The following NXPH1 variants were observed in gnomAD, a reference collection of about 807,000 sequenced individuals.
NXPH1 encodes the protein neurexophilin 1, also known as neurexophilin-1.
In NXPH1, 5 loss-of-function variants were observed where a neutral mutation model predicts 23.7. That is an observed-to-expected ratio of 0.21 (90% confidence interval 0.11 to 0.44). The LOEUF is 0.44. Among genes scored for constraint, NXPH1 ranks in the 20% least tolerant of loss-of-function variants. The pLI, the probability that NXPH1 is intolerant of heterozygous loss-of-function variation, is 0.99. For missense variants in NXPH1, 324 were observed against 321.6 expected (o/e 1.01, Z -0.06); for synonymous variants, 144 against 122.2 (o/e 1.18, Z -1.18).
intron 2 of NXPH1, among the ~76,000 whole-genome samples, chr7:8,647,001 G>T (rs1485974372): frequency 6.6e-6 from 1 of 152,000 alleles, no homozygotes; most frequent in East Asian, 1.9e-4. Flanking sequence ...AGAAGGTGGA[G>T]GAGTATCAGA....
At chr7:8,487,801 G>A (rs537626163) in intron 2 of NXPH1, among the ~76,000 whole-genome samples, 14 of 152,106 alleles carry the variant, frequency 9.2e-5, no homozygotes, top group African/African-American at 2.2e-4. Flanking sequence ...AGACAGCTTC[G>A]GACTGTGGGA....
At chr7:8,447,496 G>T (rs1816426160) in intron 2 of NXPH1, among the ~76,000 whole-genome samples, 1 of 152,204 alleles carries the variant, frequency 6.6e-6, no homozygotes, top group Admixed American at 6.5e-5. Context: ...ATGAGTGCCT[G>T]GTGTTAGCTT....
intron 2 of NXPH1, among the ~76,000 whole-genome samples, chr7:8,718,737 G>C (rs1330062862): frequency 1.3e-5 from 2 of 152,150 alleles, no homozygotes; most frequent in African/African-American, 4.8e-5. Context: ...AGGAAGTAGG[G>C]GGAAAAACCA....
At chr7:8,487,267 G>C (rs1817173967) in intron 2 of NXPH1, among the ~76,000 whole-genome samples, 1 of 152,038 alleles carries the variant, frequency 6.6e-6, no homozygotes, top group Admixed American at 6.6e-5. Flanking sequence ...AGCTCCCCTG[G>C]TGGGAGGTAA....
intron 2 of NXPH1, among the ~76,000 whole-genome samples, chr7:8,505,260 G>C (rs1045179258): frequency 6.6e-6 from 1 of 151,906 alleles, no homozygotes; most frequent in Admixed American, 6.6e-5. Context: ...GAGACCTCCA[G>C]TCACTGCTTG....
At position 8,613,736 on chromosome 7, in the gene NXPH1, T is replaced by G. The variant is rs1394397562; in HGVS notation, c.55-137272T>G. Among the ~76,000 whole-genome samples the G allele has an allele frequency of 2.6e-5, 4 of 152,126 alleles. No individual in the cohort carries two copies. In the East Asian group the frequency reaches 5.8e-4, roughly 22 times the overall value. On this transcript the variant is annotated intron_variant, in intron 2 of 2. Coordinates refer to ENST00000405863, the MANE Select transcript of NXPH1 (RefSeq NM_152745.3). Reference sequence around the variant, plus strand: ...ACTTTGATTATCTATATTTTATATCTCATAGTGTTTTTTAAGGTAACTGGC... The same window carrying G: ...ACTTTGATTATCTATATTTTATATCGCATAGTGTTTTTTAAGGTAACTGGC...
intron 2 of NXPH1, among the ~76,000 whole-genome samples, chr7:8,693,592 T>G (rs913597523): frequency 3.9e-5 from 6 of 152,248 alleles, no homozygotes; most frequent in African/African-American, 1.4e-4. Context: ...TGTTGTCTAA[T>G]ACATTATCAT....
At chr7:8,686,549 C>T (rs749960528) in intron 2 of NXPH1, among the ~76,000 whole-genome samples, 4 of 152,038 alleles carry the variant, frequency 2.6e-5, no homozygotes, top group Non-Finnish European at 5.9e-5. Context: ...GTCATCTATA[C>T]ACAGTAAAAG....
At chr7:8,488,069 T>C (rs1271939800) in intron 2 of NXPH1, among the ~76,000 whole-genome samples, 1 of 152,132 alleles carries the variant, frequency 6.6e-6, no homozygotes, top group Non-Finnish European at 1.5e-5. Context: ...GGCAAAGTCT[T>C]TACTCATTAT....
At chr7:8,709,642 A>C (rs1311938961) in intron 2 of NXPH1, among the ~76,000 whole-genome samples, 1 of 152,124 alleles carries the variant, frequency 6.6e-6, no homozygotes, top group Non-Finnish European at 1.5e-5. Flanking sequence ...AGGGTGGAAA[A>C]CCCAAAAGAT....
intron 2 of NXPH1, among the ~76,000 whole-genome samples, chr7:8,468,729 C>T (rs576517184): frequency 1.3e-5 from 2 of 152,016 alleles, no homozygotes; most frequent in South Asian, 4.1e-4. Context: ...ATTGAAAATG[C>T]TTTTTTTATT....
intron 2 of NXPH1, among the ~76,000 whole-genome samples, chr7:8,599,087 C>G (rs6980066): frequency 0.34 from 50,934 of 151,936 alleles, 9,958 homozygotes; most frequent in African/African-American, 0.54. Flanking sequence ...AGTAGACATG[C>G]AAACAGTTAA....
intron 2 of NXPH1, among the ~76,000 whole-genome samples, chr7:8,685,247 GT>G (rs113333715): frequency 0.047 from 6,636 of 141,614 alleles, 174 homozygotes; most frequent in African/African-American, 0.08. Context: ...AGCCAAATGA[GT>G]TTTTTTTTTT....
chr7:8,461,743 T>C (rs1369534435), intron 2 of NXPH1, among the ~76,000 whole-genome samples: 2 of 145,576 alleles, frequency 1.4e-5, no homozygotes, highest in African/African-American at 2.6e-5. Flanking sequence ...GGGAGGAGAA[T>C]GGCGTGAACC....
Position 8,513,864 on chromosome 7 carries a change from C to T in NXPH1, c.54+78097C>T, listed in dbSNP as rs534871186. On this transcript the variant is annotated intron_variant, in intron 2 of 2. Coordinates refer to ENST00000405863, the MANE Select transcript of NXPH1 (RefSeq NM_152745.3). ...AACTTGGAGGCCTAAACAACAGAAA[C>T]GTATTGTCTCTCAGTTCTGGAGACT... Among the ~76,000 whole-genome samples the T allele has an allele frequency of 2.6e-5, 4 of 152,180 alleles. No individual in the cohort carries two copies. The South Asian group carries it at 8.3e-4, about 32-fold the overall frequency.
At position 8,491,155 on chromosome 7, in the gene NXPH1, T is replaced by G. The variant is rs1170726208; in HGVS notation, c.54+55388T>G. Among the ~76,000 whole-genome samples, 5 of 152,014 alleles carry G rather than the reference T, an allele frequency of 3.3e-5. No individual in the cohort carries two copies. In the South Asian group the frequency reaches 1.0e-3, roughly 31 times the overall value. On this transcript the variant is annotated intron_variant, in intron 2 of 2. Transcript: ENST00000405863. ...AATGTAATTTTACCAGAGCAATGAA[T>G]AAAAAATTTTGTAATTTATACTAAT...
intron 2 of NXPH1, among the ~76,000 whole-genome samples, chr7:8,476,923 A>G (rs1314032290): frequency 2.0e-5 from 3 of 152,166 alleles, no homozygotes; most frequent in Non-Finnish European, 4.4e-5. Context: ...GGAGATCACA[A>G]TGTACCTATT....
chr7:8,605,591 A>G (rs891346977), intron 2 of NXPH1, among the ~76,000 whole-genome samples: 3 of 152,168 alleles, frequency 2.0e-5, no homozygotes, highest in African/African-American at 7.2e-5. Context: ...AGAATATTTC[A>G]CATCCTTTAT....
chr7:8,645,119 C>T (rs1820375285), intron 2 of NXPH1, among the ~76,000 whole-genome samples: 2 of 152,106 alleles, frequency 1.3e-5, no homozygotes, highest in South Asian at 4.1e-4. Flanking sequence ...TTATTAGAAA[C>T]AATACTACTA....
Sources: gnomAD v4.1 joint callset for allele counts (sites outside exome capture counted in the v4.1 genomes callset) on GRCh38, gnomAD v4.1.1 for gene constraint, MANE v1.5 for transcripts, NCBI Gene and HGNC (gene_info 2026-07-23, HGNC 2026-07-21) for gene names.